Variants in P3H2 observed in about 807,000 individuals in gnomAD.
P3H2 encodes prolyl 3-hydroxylase 2.
P3H2 carries 80 observed loss-of-function variants against 87.0 expected under a neutral mutation model. That is an observed-to-expected ratio of 0.92 (90% CI 0.77 to 1.11). P3H2 has a LOEUF of 1.11. P3H2 is among the 50% of genes least tolerant of loss of function. The pLI, the probability that P3H2 is intolerant of heterozygous loss-of-function variation, is 0.00. For missense variants in P3H2, 1,001 were observed against 923.9 expected, an observed-to-expected ratio of 1.08 and a Z score of -1.08; for synonymous variants, 367 against 359.3, an observed-to-expected ratio of 1.02 and a Z score of -0.24.
intron 1 of P3H2, among the ~76,000 whole-genome samples, chr3:190,068,379 C>T (rs983726683): frequency 2.0e-5 from 3 of 152,160 alleles, no homozygotes; most frequent in African/African-American, 7.2e-5. Flanking sequence ...TTAACCTCGA[C>T]AGCCACTCTA....
intron 1 of P3H2, among the ~76,000 whole-genome samples, chr3:190,106,607 C>T (rs552247747): frequency 2.0e-5 from 3 of 151,994 alleles, no homozygotes; most frequent in South Asian, 2.1e-4. Flanking sequence ...GTCATTTTCC[C>T]GATACAAAAT....
chr3:190,100,222 C>G (rs903305341), intron 1 of P3H2, among the ~76,000 whole-genome samples: 1 of 144,680 alleles, frequency 6.9e-6, no homozygotes, highest in Non-Finnish European at 1.5e-5. Context: ...CGACAAAGAG[C>G]AAAACTCCGT....
intron 1 of P3H2, among the ~76,000 whole-genome samples, chr3:190,052,776 C>T (rs369361560): frequency 6.6e-6 from 1 of 151,510 alleles, no homozygotes; most frequent in African/African-American, 2.4e-5. Flanking sequence ...ATCAGTAAAC[C>T]GTACATGTAA....
intron 1 of P3H2, among the ~76,000 whole-genome samples, chr3:190,050,231 T>C (rs1725936094): frequency 6.6e-6 from 1 of 152,190 alleles, no homozygotes; most frequent in Non-Finnish European, 1.5e-5. Flanking sequence ...TATCTCTCTA[T>C]AACTTCCACT....
rs1349865472 is a variant in P3H2, at chr3:189,959,414, C to CA, written c.2035-1411_2035-1410insT. Among the ~76,000 whole-genome samples, 283 of 104,636 alleles carry CA rather than the reference C, an allele frequency of 2.7e-3. 5 individuals carry two copies. Among genetic ancestry groups the CA allele is most frequent in the African/African-American group, 0.01 (271 of 26,750 alleles). 68.6% of individuals were successfully genotyped at this position (104,636 alleles called of 152,430 possible). A position where few individuals can be genotyped will look rare whatever the true frequency, so the allele number is the denominator to read the frequency against. ...ATGCTATCCCTCCCCCCTCCCCCCA[C>CA]CCCACAACAGTCCCCAGAGTGTGAT... On this transcript the variant is annotated intron_variant, in intron 14 of 14. Transcript: ENST00000319332.
intron 1 of P3H2, among the ~76,000 whole-genome samples, chr3:190,118,426 A>G (rs1712379554): frequency 6.6e-6 from 1 of 151,928 alleles, no homozygotes; most frequent in Admixed American, 6.6e-5. Flanking sequence ...ACCGTCAGAC[A>G]CTCAAGGTCC....
At chr3:190,022,899 T>C (rs1249145862) in intron 1 of P3H2, among the ~76,000 whole-genome samples, 1 of 152,118 alleles carries the variant, frequency 6.6e-6, no homozygotes, top group Non-Finnish European at 1.5e-5. Context: ...CGATCTCGGC[T>C]CACTGCAAGT....
intron 1 of P3H2, among the ~76,000 whole-genome samples, chr3:190,093,581 C>A (rs902006901): frequency 6.6e-6 from 1 of 152,106 alleles, no homozygotes; most frequent in Admixed American, 6.5e-5. Flanking sequence ...AAGGAAGGAT[C>A]GTGATGAACC....
intron 1 of P3H2, among the ~76,000 whole-genome samples, chr3:190,040,709 G>T (rs2108954209): frequency 6.6e-6 from 1 of 152,162 alleles, no homozygotes; most frequent in African/African-American, 2.4e-5. Context: ...CCTGTGGAAA[G>T]TTATTGGAAT....
intron 1 of P3H2, among the ~76,000 whole-genome samples, chr3:190,045,635 G>C (rs951049197): frequency 6.6e-6 from 1 of 152,120 alleles, no homozygotes; most frequent in Non-Finnish European, 1.5e-5. Flanking sequence ...AGGTATTTTT[G>C]TAAATATGAG....
At chr3:189,998,428 T>G (rs1291968442) in intron 1 of P3H2, among the ~76,000 whole-genome samples, 1 of 152,216 alleles carries the variant, frequency 6.6e-6, no homozygotes, top group Non-Finnish European at 1.5e-5. Context: ...AAATATGTCA[T>G]GTCCTATAAG....
Position 189,984,589 on chromosome 3 carries a change from T to A in P3H2, c.1190A>T (p.Asn397Ile). The change falls in exon 7 of 15, where the codon AAT becomes ATT. Residue 397 changes from asparagine (N) to isoleucine (I), a missense_variant and splice_region_variant. Asn to Ile is a moderately radical substitution (Grantham distance 149, BLOSUM62 -3). Transcript: ENST00000319332. ...TCGTCCTCCATATCTGATCCAATAA[T>A]TCTGTTTTGAATCGAGTAAAAAAAA... ...EGLGFSYTEP[N>I]YWIRYGGRQD... 1 of 1,580,100 alleles carries A rather than the reference T, an allele frequency of 6.3e-7. No individual in the cohort carries two copies. The highest frequency in any genetic ancestry group is 2.3e-5 in the East Asian group (1 of 43,480).
chr3:190,108,994 C>T (rs927920734), intron 1 of P3H2, among the ~76,000 whole-genome samples: 1 of 152,174 alleles, frequency 6.6e-6, no homozygotes, highest in African/African-American at 2.4e-5. Context: ...GCAGAAGTGT[C>T]TCAATAGAAT....
intron 3 of P3H2, 97 bp downstream of exon 3, chr3:189,993,997 C>G: frequency 1.1e-6 from 1 of 900,410 alleles, no homozygotes; most frequent in Non-Finnish European, 1.7e-6. Flanking sequence ...TTTATTTTTA[C>G]AGTATATTCT....
At position 189,995,388 on chromosome 3, in the gene P3H2, G is replaced by C. The variant is rs1176273699; in HGVS notation, c.535C>G (p.Pro179Ala). 3.7e-6 allele frequency: 6 copies of C among 1,613,870 alleles called. No homozygotes were observed. In the East Asian group the frequency reaches 6.7e-5, roughly 18 times the overall value. The change falls in exon 2 of 15, where the codon CCT becomes GCT. Residue 179 changes from proline to alanine, a missense_variant. Physicochemically the swap from Pro to Ala is conservative, Grantham distance 27 (BLOSUM62 -1). Coordinates refer to ENST00000319332, the MANE Select transcript of P3H2 (RefSeq NM_018192.4). The stretch of plus-strand genomic sequence containing the variant: ...TTCTGCTGCATTTCCATGTGCTCAG[G>C]GTTAGCCACGAAAAATGTGTGAGCT... ...EAAHTFFVAN[P>A]EHMEMQQNIE...
chr3:190,122,097 A>AAAAC (rs1368732724), upstream of P3H2: 2 of 148,428 alleles, frequency 1.3e-5, no homozygotes, highest in Non-Finnish European at 3.0e-5. Context: ...AAAAAAAACA[A>AAAAC]AGAAAAAGAA....
chr3:189,986,918 T>C (rs1396128164), intron 5 of P3H2, 41 bp from the exon 6 acceptor site: 1 of 1,294,942 alleles, frequency 7.7e-7, no homozygotes, highest in African/African-American at 1.5e-5. Flanking sequence ...TTTATTTAAA[T>C]AGCAGGTAAG....
At chr3:190,064,152 TAAC>T (rs1726421214) in intron 1 of P3H2, among the ~76,000 whole-genome samples, 1 of 144,410 alleles carries the variant, frequency 6.9e-6, no homozygotes, top group Non-Finnish European at 1.5e-5. Flanking sequence ...CCACCACACC[TAAC>T]TTTTTTTTTT....
At chr3:190,082,758 T>C (rs1727084173) in intron 1 of P3H2, among the ~76,000 whole-genome samples, 1 of 152,208 alleles carries the variant, frequency 6.6e-6, no homozygotes, top group Non-Finnish European at 1.5e-5. Context: ...GCATAGAGTA[T>C]TGAGAGCCAA....
Sources: gnomAD v4.1 joint callset for allele counts (sites outside exome capture counted in the v4.1 genomes callset) on GRCh38, gnomAD v4.1.1 for gene constraint, MANE v1.5 for transcripts, NCBI Gene and HGNC (gene_info 2026-07-23, HGNC 2026-07-21) for gene names.